The following ADAMTSL1 variants were observed in gnomAD, a reference collection of about 807,000 sequenced individuals.
ADAMTSL1 encodes the protein ADAMTS-like protein 1.
In ADAMTSL1, 126 loss-of-function variants were observed where a neutral mutation model predicts 201.8. That is an observed-to-expected ratio of 0.62 (90% CI 0.54 to 0.72). The LOEUF (loss-of-function observed/expected upper bound fraction) is 0.72, where lower values mean the gene tolerates loss of function less well. Among genes scored for constraint, ADAMTSL1 ranks in the 30% least tolerant of loss-of-function variants. The pLI, the probability that ADAMTSL1 is intolerant of heterozygous loss-of-function variation, is 0.00. For missense variants in ADAMTSL1, 2,679 were observed against 2,277.8 expected, an observed-to-expected ratio of 1.18 and a Z score of -3.59; for synonymous variants, 1,121 against 903.4, an observed-to-expected ratio of 1.24 and a Z score of -4.32.
At chr9:17,936,043 G>A (rs779427587) in intron 1 of ADAMTSL1, among the ~76,000 whole-genome samples, 9 of 152,152 alleles carry the variant, frequency 5.9e-5, no homozygotes, top group East Asian at 1.9e-4. Context: ...TGCCAAGTGT[G>A]CTTCTACCTC....
At chr9:18,115,717 G>A (rs1825221722) in intron 1 of ADAMTSL1, among the ~76,000 whole-genome samples, 2 of 152,058 alleles carry the variant, frequency 1.3e-5, no homozygotes, top group African/African-American at 4.8e-5. Flanking sequence ...GCATAGAGAG[G>A]TTGTTCATGG....
At chr9:18,330,177 C>A (rs1447258110) in intron 2 of ADAMTSL1, among the ~76,000 whole-genome samples, 1 of 152,146 alleles carries the variant, frequency 6.6e-6, no homozygotes. Context: ...AGCTATCTTG[C>A]AAGGTAGTTT....
At chr9:18,865,678 A>G (rs968945495) in intron 23 of ADAMTSL1, among the ~76,000 whole-genome samples, 1 of 152,212 alleles carries the variant, frequency 6.6e-6, no homozygotes, top group African/African-American at 2.4e-5. Flanking sequence ...GGCTCAGTTT[A>G]GAACCACTTT....
At chr9:18,326,212 T>G (rs926382906) in intron 2 of ADAMTSL1, among the ~76,000 whole-genome samples, 44 of 152,214 alleles carry the variant, frequency 2.9e-4, no homozygotes, top group African/African-American at 9.6e-4. Flanking sequence ...GCAGCTGTGA[T>G]GTACTATAAT....
chr9:18,708,864 C>G (rs1380397406), intron 14 of ADAMTSL1, among the ~76,000 whole-genome samples: 1 of 152,174 alleles, frequency 6.6e-6, no homozygotes, highest in Non-Finnish European at 1.5e-5. Context: ...CTTTAAGAGT[C>G]TAACCATTCT....
chr9:18,025,130 G>C (rs1820639183), intron 1 of ADAMTSL1, among the ~76,000 whole-genome samples: 3 of 151,828 alleles, frequency 2.0e-5, no homozygotes, highest in Non-Finnish European at 4.4e-5. Flanking sequence ...TTGCTGAATT[G>C]TTTATGTTCC....
intron 1 of ADAMTSL1, among the ~76,000 whole-genome samples, chr9:17,926,307 G>A (rs1826525187): frequency 6.6e-6 from 1 of 152,136 alleles, no homozygotes; most frequent in Non-Finnish European, 1.5e-5. Flanking sequence ...TTAAAACTCT[G>A]TATTATTTAG....
intron 3 of ADAMTSL1, among the ~76,000 whole-genome samples, chr9:18,556,347 C>G (rs1300502849): frequency 1.3e-5 from 2 of 151,966 alleles, no homozygotes; most frequent in Non-Finnish European, 2.9e-5. Flanking sequence ...ATAAGTGTCT[C>G]TATGTTTTTG....
At chr9:18,199,365 A>G (rs963515573) in intron 2 of ADAMTSL1, among the ~76,000 whole-genome samples, 1 of 152,124 alleles carries the variant, frequency 6.6e-6, no homozygotes, top group Non-Finnish European at 1.5e-5. Context: ...TAAAAATAAA[A>G]AATGAATATA....
At chr9:18,061,543 C>T in intron 1 of ADAMTSL1, among the ~76,000 whole-genome samples, 1 of 152,124 alleles carries the variant, frequency 6.6e-6, no homozygotes, top group East Asian at 1.9e-4. Flanking sequence ...ATTAGTGTGC[C>T]ATTTCCTTAC....
At chr9:18,325,229 T>G (rs2132874675) in intron 2 of ADAMTSL1, among the ~76,000 whole-genome samples, 1 of 152,336 alleles carries the variant, frequency 6.6e-6, no homozygotes, top group South Asian at 2.1e-4. Context: ...CCAGTGATTC[T>G]ACTTTTGTAT....
At chr9:18,881,744 A>G (rs1828549805) in intron 23 of ADAMTSL1, among the ~76,000 whole-genome samples, 1 of 152,242 alleles carries the variant, frequency 6.6e-6, no homozygotes, top group Non-Finnish European at 1.5e-5. Flanking sequence ...ATGAAGTGCA[A>G]TAAAGCAAAG....
intron 1 of ADAMTSL1, among the ~76,000 whole-genome samples, chr9:18,497,337 C>G (rs1429465322): frequency 7.8e-6 from 1 of 128,714 alleles, no homozygotes; most frequent in African/African-American, 2.5e-5. Context: ...TCCACTTTTC[C>G]TTTGTAAAAT....
chr9:18,031,191 A>G (rs1030692561), intron 1 of ADAMTSL1, among the ~76,000 whole-genome samples: 2 of 152,194 alleles, frequency 1.3e-5, no homozygotes, highest in Admixed American at 1.3e-4. Context: ...GAATTACCGC[A>G]ATCCTTTAGA....
At chr9:18,508,849 C>T (rs1008365462) in intron 2 of ADAMTSL1, among the ~76,000 whole-genome samples, 5 of 152,100 alleles carry the variant, frequency 3.3e-5, no homozygotes, top group African/African-American at 1.2e-4. Context: ...GGCCCTAAAT[C>T]AGTCCTTAGG....
At chr9:18,424,686 G>A (rs1412862429) in intron 2 of ADAMTSL1, among the ~76,000 whole-genome samples, 2 of 152,152 alleles carry the variant, frequency 1.3e-5, no homozygotes, top group African/African-American at 4.8e-5. Context: ...AGTCTAGAAA[G>A]AAGAGCTTTG....
intron 1 of ADAMTSL1, among the ~76,000 whole-genome samples, chr9:18,136,982 G>A (rs115942362): frequency 0.015 from 2,345 of 152,288 alleles, 54 homozygotes; most frequent in African/African-American, 0.053. Context: ...GAACTCTGAG[G>A]CAGGGTGTCT....
At chr9:18,892,739 C>A in intron 26 of ADAMTSL1, 143 bp downstream of exon 26, 1 of 882,234 alleles carries the variant, frequency 1.1e-6, no homozygotes, top group Non-Finnish European at 1.7e-6. Flanking sequence ...TGTGGGTTGT[C>A]CAGCTGAGAC....
intron 1 of ADAMTSL1, among the ~76,000 whole-genome samples, chr9:18,040,396 C>T (rs1821381303): frequency 6.6e-6 from 1 of 152,170 alleles, no homozygotes. Context: ...CTTGATGCTT[C>T]TGTTCCTACT....
Sources: gnomAD v4.1 joint callset for allele counts (sites outside exome capture counted in the v4.1 genomes callset) on GRCh38, gnomAD v4.1.1 for gene constraint, MANE v1.5 for transcripts, NCBI Gene and HGNC (gene_info 2026-07-23, HGNC 2026-07-21) for gene names.